Variants in RBM39 observed in about 807,000 individuals in gnomAD.
RBM39 encodes the protein RNA binding motif protein 39, also known as RNA-binding protein 39.
Under a neutral mutation model 79.6 loss-of-function variants are expected in RBM39, and 12 were observed. The ratio of observed to expected loss-of-function variants is 0.15; its 90% CI spans 0.10 to 0.24. The LOEUF (loss-of-function observed/expected upper bound fraction) is 0.24, where lower values mean the gene tolerates loss of function less well. Ranked by LOEUF, RBM39 falls within the 10% of genes least tolerant of loss-of-function variation. The pLI is 1.00. For missense variants in RBM39, 243 were observed against 653.4 expected (o/e 0.37, Z 6.85); for synonymous variants, 185 against 208.4 (o/e 0.89, Z 0.97).
At chr20:35,730,895 G>A (rs941165016) in intron 4 of RBM39, among the ~76,000 whole-genome samples, 1 of 152,068 alleles carries the variant, frequency 6.6e-6, no homozygotes, top group African/African-American at 2.4e-5. Flanking sequence ...CAGCATCACG[G>A]AGTTTAATTC....
intron 3 of RBM39, among the ~76,000 whole-genome samples, chr20:35,737,520 A>G (rs1321050698): frequency 1.3e-5 from 2 of 151,386 alleles, no homozygotes; most frequent in Non-Finnish European, 2.9e-5. Context: ...AGATCGTGTC[A>G]TGGCGCTCCA....
In RBM39 at chr20:35,740,929, T is replaced by C. The variant is rs190647829; in HGVS notation, c.-13-42A>G. The stretch of plus-strand genomic sequence containing the variant: ...ACAATTTCTTGAGTAAACATTTCTC[T>C]TACAATGTGAAACAAGTTTCACTCT... On this transcript the variant is annotated intron_variant, in intron 1 of 16. Transcript: ENST00000253363. 5.6e-4 allele frequency: 817 copies of C among 1,447,554 alleles called. 6 individuals are homozygous for C. Among genetic ancestry groups the C allele is most frequent in the Non-Finnish European group, 8.5e-5 (88 of 1,041,190 alleles). The allele number at this position is 1,447,554 out of a possible 1,614,324, so 89.7% of individuals were successfully genotyped here.
At position 35,727,414 on chromosome 20, in the gene RBM39, A is replaced by C. The variant is rs544778554; in HGVS notation, c.416+1898T>G. 3.3e-5 allele frequency among the ~76,000 whole-genome samples: 5 copies of C among 151,860 alleles called. No individual in the cohort carries two copies. The East Asian group carries it at 9.7e-4, about 29-fold the overall frequency. ...AGCCGGGGGTCTCAAAAAAAAAAAA[A>C]AACACCCACAATGCTACCACCTGAC... On this transcript the variant is annotated intron_variant, in intron 6 of 16. Transcript: ENST00000253363.
At chr20:35,709,420 T>C (rs1016636711) in intron 12 of RBM39, 146 bp from the exon 13 acceptor site, 4 of 628,260 alleles carry the variant, frequency 6.4e-6, no homozygotes, top group African/African-American at 5.6e-5. Context: ...CCATTCCTCA[T>C]TGAGAAGGCT....
At position 35,705,230 on chromosome 20, in the gene RBM39, C is replaced by G; in HGVS notation, c.1408G>C (p.Ala470Pro). 1 of 1,540,656 alleles carries G rather than the reference C, an allele frequency of 6.5e-7. No homozygotes were observed. The highest frequency in any genetic ancestry group is 8.8e-7 in the Non-Finnish European group (1 of 1,136,990). Residue 470 changes from alanine to proline, a missense_variant, in exon 15 of 17, where the codon GCT (alanine) becomes CCT (proline). Physicochemically the swap from Ala to Pro is conservative, Grantham distance 27. This residue lies in a region of RBM39 where 48 missense variants were observed against 130.2 expected (regional missense o/e 0.37). Coordinates refer to ENST00000253363, the MANE Select transcript of RBM39 (RefSeq NM_184234.3). ...VIHIYVDKNS[A>P]QGNVYVKCPS... ...ATAAAAAAAGATGAAAATACCTGAG[C>G]TGAATTTTTGTCAACATAAATATGA...
Position 35,703,448 on chromosome 20 carries a change from T to A in RBM39, c.*1033A>T, listed in dbSNP as rs1415200230. The A allele has an allele frequency of 6.6e-6, 1 of 152,122 alleles. No individual in the cohort carries two copies. The highest frequency in any genetic ancestry group is 2.4e-5 in the African/African-American group (1 of 41,414). The allele number at this position is 152,122 out of a possible 1,614,324, so 9.4% of individuals were successfully genotyped here. On this transcript the variant is annotated 3_prime_UTR_variant, in exon 17 of 17. Coordinates refer to ENST00000253363, the MANE Select transcript of RBM39 (RefSeq NM_184234.3). The stretch of plus-strand genomic sequence containing the variant: ...TCTTCTAAAATACACAGGGCTAGAC[T>A]CTAATAGAATAAAGGAATTCATGGG...
Position 35,733,764 on chromosome 20 carries a change from T to G in RBM39, c.102-1629A>C, listed in dbSNP as rs140554044. Among the ~76,000 whole-genome samples, 417 of 152,314 alleles carry G rather than the reference T, an allele frequency of 2.7e-3. 4 individuals are homozygous for G. Among genetic ancestry groups the G allele is most frequent in the African/African-American group, 9.3e-3 (387 of 41,566 alleles). On this transcript the variant is annotated intron_variant, in intron 3 of 16. Transcript: ENST00000253363. ...AGCCAGTTTATAGAAACCTGTGGGA[T>G]GCAATCAAAACCAATGATCAACTTG...
Position 35,721,820 on chromosome 20 carries a change from G to A in RBM39, c.745C>T (p.Pro249Ser). 1.2e-6 allele frequency: 2 copies of A among 1,613,974 alleles called. No homozygotes were observed. The highest frequency in any genetic ancestry group is 1.7e-6 in the Non-Finnish European group (2 of 1,179,896). Residue 249 changes from proline to serine, a missense_variant, in exon 9 of 17, where the codon CCT becomes TCT. Pro to Ser is a moderately conservative substitution (Grantham distance 74). This residue lies in a region of RBM39 where 61 missense variants were observed against 322.9 expected (regional missense o/e 0.19). Transcript: ENST00000253363. ...ANNLQKGSAG[P>S]MRLYVGSLHF... ...AATGAGCCCACATAAAGCCTCATAG[G>A]TCCAGCACTTCCCTTTTGTAAATTG...
chr20:35,739,597 A>G, intron 2 of RBM39: 1 of 461,400 alleles, frequency 2.2e-6, no homozygotes, highest in South Asian at 1.6e-5. Context: ...ACTCCCAAGA[A>G]CCCAAGAAAG....
chr20:35,728,970 G>A (rs1240749318), intron 6 of RBM39, among the ~76,000 whole-genome samples: 1 of 151,924 alleles, frequency 6.6e-6, no homozygotes, highest in African/African-American at 2.4e-5. Context: ...CAGCTACTTG[G>A]AGGGCTGAGG....
intron 4 of RBM39, 119 bp from the exon 5 acceptor site, chr20:35,729,646 G>C: frequency 1.1e-6 from 1 of 885,438 alleles, no homozygotes. Context: ...CCTCAGTTAT[G>C]AAGAGGAAAC....
At chr20:35,710,441 T>C (rs2036261613) in intron 12 of RBM39, 1 of 152,102 alleles carries the variant, frequency 6.6e-6, no homozygotes, top group African/African-American at 2.4e-5. Context: ...AAAAAATGTA[T>C]AGATATCAGA....
At chr20:35,740,721 A>T in intron 2 of RBM39, 103 bp downstream of exon 2, 1 of 1,347,110 alleles carries the variant, frequency 7.4e-7, no homozygotes, top group Non-Finnish European at 1.1e-6. Flanking sequence ...TGATAAGATA[A>T]ATCAAGAGGG....
chr20:35,737,473 C>A (rs1260557555), intron 3 of RBM39, among the ~76,000 whole-genome samples: 1 of 146,714 alleles, frequency 6.8e-6, no homozygotes, highest in East Asian at 2.1e-4. Context: ...GGCAGGAGAA[C>A]TGCCTGAACC....
chr20:35,733,592 G>A (rs776250645), intron 3 of RBM39, among the ~76,000 whole-genome samples: 2 of 151,440 alleles, frequency 1.3e-5, no homozygotes, highest in Non-Finnish European at 2.9e-5. Flanking sequence ...CTGAGCAACA[G>A]AGCAAGACTG....
At chr20:35,704,637 ACAAT>A (rs2035499395) in intron 16 of RBM39, 27 bp downstream of exon 16, 2 of 1,611,914 alleles carry the variant, frequency 1.2e-6, no homozygotes, top group Admixed American at 1.7e-5. Flanking sequence ...AGCCTTAATA[ACAAT>A]CAGTCAAAAA....
chr20:35,733,759 TG>T (rs574286259), intron 3 of RBM39, among the ~76,000 whole-genome samples: 249 of 152,294 alleles, frequency 1.6e-3, no homozygotes, highest in African/African-American at 5.8e-3. Flanking sequence ...TAGAAACCTG[TG>T]GGATGCAATC....
intron 7 of RBM39, 83 bp downstream of exon 7, chr20:35,724,955 T>TA: frequency 1.8e-6 from 2 of 1,090,698 alleles, no homozygotes; most frequent in South Asian, 2.8e-5. Flanking sequence ...ATACTGCTAC[T>TA]AAATCAAATG....
chr20:35,741,481 C>T (rs549171698), intron 1 of RBM39: 9 of 152,454 alleles, frequency 5.9e-5, no homozygotes, highest in Non-Finnish European at 1.2e-4. Flanking sequence ...TCCAAAACGC[C>T]TCTTACACGA....
Sources: gnomAD v4.1 joint callset for allele counts (sites outside exome capture counted in the v4.1 genomes callset) on GRCh38, gnomAD v4.1.1 for gene constraint, gnomAD v4.1.1 regional missense constraint, MANE v1.5 for transcripts, NCBI Gene and HGNC (gene_info 2026-07-23, HGNC 2026-07-21) for gene names.